Variants in SNTN observed in about 807,000 individuals in gnomAD.
SNTN encodes the protein sentan, cilia apical structure protein, also known as sentan.
SNTN carries 13 observed loss-of-function variants against 12.3 expected under a neutral mutation model. The observed-to-expected ratio is 1.05, with a 90% CI of 0.69 to 1.67. The LOEUF (loss-of-function observed/expected upper bound fraction) is 1.67, where lower values mean the gene tolerates loss of function less well. Among genes scored for constraint, SNTN ranks in the 40% most tolerant of loss-of-function variants. The pLI is 0.00. For missense variants in SNTN, 189 were observed against 169.8 expected (o/e 1.11, Z -0.63); for synonymous variants, 69 against 58.5 (o/e 1.18, Z -0.82).
chr3:63,663,689 T>C (rs949981462), intron 3 of SNTN: 46 of 611,634 alleles, frequency 7.5e-5, no homozygotes, highest in African/African-American at 7.4e-4. Context: ...GATCTGTTCA[T>C]ACACCAGCTC....
At chr3:63,662,843 A>G (rs1388414844) in intron 3 of SNTN, among the ~76,000 whole-genome samples, 1 of 152,204 alleles carries the variant, frequency 6.6e-6, no homozygotes, top group East Asian at 1.9e-4. Flanking sequence ...ATAATGGTGA[A>G]TCAAATGACT....
intron 1 of SNTN, among the ~76,000 whole-genome samples, chr3:63,654,269 AG>A (rs1181554793): frequency 6.6e-6 from 1 of 152,198 alleles, no homozygotes; most frequent in East Asian, 1.9e-4. Context: ...AAAACTTCAA[AG>A]TCTGAGCATT....
chr3:63,658,050 C>T (rs765520837), intron 2 of SNTN, among the ~76,000 whole-genome samples: 12 of 152,122 alleles, frequency 7.9e-5, no homozygotes, highest in Non-Finnish European at 1.6e-4. Flanking sequence ...CTTTACACGG[C>T]CTACAAGTCC....
chr3:63,657,447 G>A lies in SNTN; in HGVS notation c.146-2278G>A, dbSNP rs76037538. On this transcript the variant is annotated intron_variant, in intron 2 of 3. Coordinates refer to ENST00000343837, the MANE Select transcript of SNTN (RefSeq NM_001080537.2). ...TGAAGGAATTAAGAGGCAGCATGCT[G>A]GGTTTATTAAGGGAAGAATCCAACC... Among the ~76,000 whole-genome samples the A allele has an allele frequency of 9.8e-3, 1,497 of 152,286 alleles. 36 individuals are homozygous for A. Among genetic ancestry groups the A allele is most frequent in the African/African-American group, 0.034 (1,433 of 41,546 alleles).
At chr3:63,654,935 G>A (rs994049635) in intron 2 of SNTN, 139 bp downstream of exon 2, 10 of 761,182 alleles carry the variant, frequency 1.3e-5, no homozygotes, top group Admixed American at 5.1e-5. Flanking sequence ...TATTCATGAT[G>A]TTCTTTTTAA....
intron 2 of SNTN, among the ~76,000 whole-genome samples, chr3:63,655,511 C>T (rs1038876505): frequency 1.3e-5 from 2 of 152,144 alleles, no homozygotes; most frequent in African/African-American, 4.8e-5. Context: ...TACAACACAG[C>T]AGACTGGTGA....
chr3:63,658,655 G>A (rs539006402), intron 2 of SNTN, among the ~76,000 whole-genome samples: 5 of 151,664 alleles, frequency 3.3e-5, no homozygotes, highest in African/African-American at 7.3e-5. Context: ...ATCCCATCTC[G>A]GCCTTCCAAA....
At chr3:63,659,640 A>T in intron 2 of SNTN, 85 bp from the exon 3 acceptor site, 1 of 1,518,974 alleles carries the variant, frequency 6.6e-7, no homozygotes, top group Middle Eastern at 1.7e-4. Flanking sequence ...GGTTCCCTAC[A>T]GTTCCCTTGG....
In SNTN at chr3:63,652,729, C is replaced by T. The variant is rs1559559415; in HGVS notation, c.42C>T (p.His14=). ...ACAGTACCCAGGACAAATCTCTCCACTTGGAAGGAGATCCCAATCCTTCTG... is the reference window on the plus strand; with the variant it reads ...ACAGTACCCAGGACAAATCTCTCCATTTGGAAGGAGATCCCAATCCTTCTG... The part of the protein sequence containing the change: ...CMHSTQDKSL[H]LEGDPNPSAA... Residue 14 remains histidine, a synonymous_variant, in exon 1 of 4, where the codon CAC becomes CAT. Coordinates refer to ENST00000343837, the MANE Select transcript of SNTN (RefSeq NM_001080537.2). The T allele has an allele frequency of 6.2e-7, 1 of 1,614,084 alleles. No homozygotes were observed. The highest frequency in any genetic ancestry group is 8.5e-7 in the Non-Finnish European group (1 of 1,179,962).
intron 3 of SNTN, among the ~76,000 whole-genome samples, chr3:63,660,673 G>C (rs915255066): frequency 1.3e-5 from 2 of 152,158 alleles, no homozygotes; most frequent in African/African-American, 4.8e-5. Flanking sequence ...GAATGGTGGT[G>C]TTCCCACTCC....
chr3:63,661,165 C>T (rs1304316483), intron 3 of SNTN, among the ~76,000 whole-genome samples: 1 of 152,106 alleles, frequency 6.6e-6, no homozygotes, highest in Non-Finnish European at 1.5e-5. Flanking sequence ...CTTGCATCAC[C>T]TAAAATGGCA....
chr3:63,664,262 C>T lies in SNTN; in HGVS notation c.*167C>T. ...ATGTAACTCCAAATATTTACCCATA[C>T]ACTTCAAGAATGTTTGAATGATAAG... On this transcript the variant is annotated 3_prime_UTR_variant, in exon 4 of 4. Transcript: ENST00000343837. 1 of 616,800 alleles carries T rather than the reference C, an allele frequency of 1.6e-6. No homozygotes were observed. The highest frequency in any genetic ancestry group is 2.7e-6 in the Non-Finnish European group (1 of 364,808). 38.2% of individuals were successfully genotyped at this position (616,800 alleles called of 1,614,324 possible).
In SNTN at chr3:63,664,131, A is replaced by C. The variant is rs1253258904; in HGVS notation, c.*36A>C. The stretch of plus-strand genomic sequence containing the variant: ...ATATGCTGTATAAAATAATGGCAAA[A>C]GACAGTGTTATTAAAATGTTTCCAT... On this transcript the variant is annotated 3_prime_UTR_variant, in exon 4 of 4. Transcript: ENST00000343837. 1 of 1,514,158 alleles carries C rather than the reference A, an allele frequency of 6.6e-7. No homozygotes were observed. The highest frequency in any genetic ancestry group is 8.9e-7 in the Non-Finnish European group (1 of 1,121,838). 93.8% of individuals were successfully genotyped at this position (1,514,158 alleles called of 1,614,324 possible).
intron 3 of SNTN, among the ~76,000 whole-genome samples, chr3:63,661,484 G>A (rs540301238): frequency 6.6e-6 from 1 of 152,294 alleles, no homozygotes; most frequent in African/African-American, 2.4e-5. Flanking sequence ...CTGTGAGTGG[G>A]TGATTATTTC....
At chr3:63,663,857 A>C in intron 3 of SNTN, 80 bp from the exon 4 acceptor site, 1 of 1,508,112 alleles carries the variant, frequency 6.6e-7, no homozygotes, top group Non-Finnish European at 9.1e-7. Context: ...AACACTAAAC[A>C]GACTAAGACA....
At chr3:63,652,939 C>T (rs1208154085) in intron 1 of SNTN, 142 bp downstream of exon 1, 1 of 673,216 alleles carries the variant, frequency 1.5e-6, no homozygotes, top group Non-Finnish European at 2.5e-6. Flanking sequence ...TTTAAATTGA[C>T]TTGGAAAAAC....
At chr3:63,663,679 G>A (rs527603940) in intron 3 of SNTN, 6 of 569,844 alleles carry the variant, frequency 1.1e-5, no homozygotes, top group South Asian at 1.8e-5. Context: ...CTTGCTGTGT[G>A]ATCTGTTCAT....
chr3:63,661,516 G>A (rs1700744084), intron 3 of SNTN, among the ~76,000 whole-genome samples: 1 of 152,184 alleles, frequency 6.6e-6, no homozygotes, highest in African/African-American at 2.4e-5. Context: ...GGAGAATATA[G>A]TGTAATACAC....
chr3:63,661,517 T>G (rs1370431465), intron 3 of SNTN, among the ~76,000 whole-genome samples: 1 of 152,200 alleles, frequency 6.6e-6, no homozygotes, highest in Non-Finnish European at 1.5e-5. Context: ...GAGAATATAG[T>G]GTAATACACA....
Sources: gnomAD v4.1 joint callset for allele counts (sites outside exome capture counted in the v4.1 genomes callset) on GRCh38, gnomAD v4.1.1 for gene constraint, MANE v1.5 for transcripts, NCBI Gene and HGNC (gene_info 2026-07-23, HGNC 2026-07-21) for gene names.